The following GREM2 variants were observed in gnomAD, a reference collection of about 807,000 sequenced individuals.
GREM2 encodes the protein gremlin 2, DAN family BMP antagonist, also known as gremlin-2.
In GREM2, 11 loss-of-function variants were observed where a neutral mutation model predicts 14.2. That is an observed-to-expected ratio of 0.78 (90% CI 0.49 to 1.28). The LOEUF (loss-of-function observed/expected upper bound fraction) is 1.28. GREM2 is among the 50% of genes most tolerant of loss of function. GREM2 has a pLI of 0.00. For missense variants in GREM2, 210 were observed against 218.5 expected, an observed-to-expected ratio of 0.96 and a Z score of 0.24; for synonymous variants, 98 against 97.6, an observed-to-expected ratio of 1.00 and a Z score of -0.02.
In GREM2 at chr1:240,492,693, C is replaced by T. The variant is rs1677285952; in HGVS notation, c.*276G>A. 7.4e-6 allele frequency: 2 copies of T among 268,736 alleles called. No individual in the cohort carries two copies. Among genetic ancestry groups the T allele is most frequent in the Non-Finnish European group, 1.4e-5 (2 of 143,540 alleles). 16.6% of individuals were successfully genotyped at this position (268,736 alleles called of 1,614,324 possible). On this transcript the variant is annotated 3_prime_UTR_variant, in exon 2 of 2. Transcript: ENST00000318160. The stretch of plus-strand genomic sequence containing the variant: ...AAGGTCCTCTCTGACTGCTGGGTGG[C>T]GGTGGTGGTTTTCCAGCATTTTCCT...
intron 1 of GREM2, among the ~76,000 whole-genome samples, chr1:240,510,173 T>C (rs1051519480): frequency 6.6e-6 from 1 of 151,870 alleles, no homozygotes; most frequent in African/African-American, 2.4e-5. Flanking sequence ...ATTGGGACCA[T>C]CCTGGCTAAC....
intron 1 of GREM2, among the ~76,000 whole-genome samples, chr1:240,512,983 G>A (rs114330628): frequency 3.8e-3 from 585 of 152,264 alleles, no homozygotes; most frequent in African/African-American, 0.013. Context: ...GAATACAGCA[G>A]ATATGATCCT....
chr1:240,518,061 T>A (rs1677989595), intron 1 of GREM2, among the ~76,000 whole-genome samples: 1 of 152,172 alleles, frequency 6.6e-6, no homozygotes. Flanking sequence ...ATAGCGTCAA[T>A]CAAAGGCATT....
At chr1:240,599,838 G>A (rs1025269934) in intron 1 of GREM2, among the ~76,000 whole-genome samples, 1 of 152,128 alleles carries the variant, frequency 6.6e-6, no homozygotes, top group African/African-American at 2.4e-5. Context: ...AGTGGACCTC[G>A]GCCTTGGAGC....
chr1:240,499,151 C>A (rs1159620981), intron 1 of GREM2, among the ~76,000 whole-genome samples: 4 of 152,178 alleles, frequency 2.6e-5, no homozygotes, highest in Non-Finnish European at 5.9e-5. Flanking sequence ...GGAGCTTGAA[C>A]AATAAAACTT....
rs754753220 is a variant in GREM2 at position 240,492,959 on chromosome 1, G to C, written c.*10C>G. On this transcript the variant is annotated 3_prime_UTR_variant, in exon 2 of 2. Coordinates refer to ENST00000318160, the MANE Select transcript of GREM2 (RefSeq NM_022469.4). ...GCGCGCGCGGGGCTGAGCTGCGTCC[G>C]GCCCGGCGCTCACTGCTTGTCCGAG... 7 of 1,504,502 alleles carry C rather than the reference G, an allele frequency of 4.7e-6. No individual in the cohort carries two copies. Among genetic ancestry groups the C allele is most frequent in the Admixed American group, 4.4e-5 (2 of 45,956 alleles). The allele number at this position is 1,504,502 out of a possible 1,614,324, so 93.2% of individuals were successfully genotyped here. A position where few individuals can be genotyped will look rare whatever the true frequency, so the allele number is the denominator to read the frequency against.
At chr1:240,523,557 T>C (rs190571054) in intron 1 of GREM2, among the ~76,000 whole-genome samples, 1 of 152,240 alleles carries the variant, frequency 6.6e-6, no homozygotes, top group East Asian at 1.9e-4. Flanking sequence ...TGTTTTTTTT[T>C]GTTGTTGTTG....
intron 1 of GREM2, among the ~76,000 whole-genome samples, chr1:240,516,962 C>A (rs1677970189): frequency 6.6e-6 from 1 of 152,126 alleles, no homozygotes; most frequent in East Asian, 1.9e-4. Flanking sequence ...CACTAGTGAA[C>A]ACTTGGTGAA....
At position 240,544,445 on chromosome 1, in the gene GREM2, C is replaced by A. The variant is rs77477565; in HGVS notation, c.-1-50969G>T. ...TACAGGCGTGAGCCACCGCGCCTGG[C>A]CAGTACTAGGCCATTTTATATGAGA... is the stretch of plus-strand genomic sequence containing the variant. On this transcript the variant is annotated intron_variant, in intron 1 of 1. Coordinates refer to ENST00000318160, the MANE Select transcript of GREM2 (RefSeq NM_022469.4). Among the ~76,000 whole-genome samples, 1,232 of 152,244 alleles carry A rather than the reference C, an allele frequency of 8.1e-3. 26 individuals are homozygous for A. The highest frequency in any genetic ancestry group is 7.4e-3 in the Non-Finnish European group (506 of 68,028).
chr1:240,525,414 C>A (rs1678198823), intron 1 of GREM2, among the ~76,000 whole-genome samples: 1 of 152,086 alleles, frequency 6.6e-6, no homozygotes, highest in Admixed American at 6.5e-5. Flanking sequence ...ACTTGTGCAA[C>A]CTGTAATCCT....
intron 1 of GREM2, chr1:240,530,435 C>T (rs1227625173): frequency 6.6e-6 from 1 of 152,138 alleles, no homozygotes; most frequent in Non-Finnish European, 1.5e-5. Flanking sequence ...AAAAACCAAG[C>T]TATTCTCCAG....
intron 1 of GREM2, among the ~76,000 whole-genome samples, chr1:240,592,372 A>T (rs2102865039): frequency 6.6e-6 from 1 of 152,194 alleles, no homozygotes; most frequent in East Asian, 1.9e-4. Flanking sequence ...AATTTGGGGA[A>T]ATAAATAATA....
chr1:240,550,958 C>G (rs1047636081), intron 1 of GREM2, among the ~76,000 whole-genome samples: 11 of 152,124 alleles, frequency 7.2e-5, no homozygotes, highest in African/African-American at 2.7e-4. Context: ...AGGATGGAAA[C>G]TTGGAATTAA....
At chr1:240,520,745 G>A (rs972512217) in intron 1 of GREM2, among the ~76,000 whole-genome samples, 1 of 151,940 alleles carries the variant, frequency 6.6e-6, no homozygotes, top group Non-Finnish European at 1.5e-5. Flanking sequence ...ATTTCACCAT[G>A]TTGCCCAGGC....
chr1:240,548,641 G>A (rs1678785168), intron 1 of GREM2, among the ~76,000 whole-genome samples: 1 of 152,134 alleles, frequency 6.6e-6, no homozygotes, highest in African/African-American at 2.4e-5. Context: ...TTAGTAAGAG[G>A]TATCTAATTG....
At chr1:240,564,119 G>T (rs747912802) in intron 1 of GREM2, among the ~76,000 whole-genome samples, 1 of 152,096 alleles carries the variant, frequency 6.6e-6, no homozygotes, top group Non-Finnish European at 1.5e-5. Flanking sequence ...TGAGGCAGGA[G>T]GATCGCTTGA....
chr1:240,542,443 TAAAA>T lies in GREM2; in HGVS notation c.-1-48971_-1-48968del, dbSNP rs34602345. On this transcript the variant is annotated intron_variant, in intron 1 of 1. Coordinates refer to ENST00000318160, the MANE Select transcript of GREM2 (RefSeq NM_022469.4). This position sits in a 1 kb window ranked among gnomAD's most constrained non-coding sequence, Gnocchi z 4.1. ...AACATGGCGAAACCCCCATCTCTACTAAAAAAAAAAAAAAAAAAAAAATTAGCTG... is the reference window on the plus strand; with the variant it reads ...AACATGGCGAAACCCCCATCTCTACTAAAAAAAAAAAAAAAAAATTAGCTG... Among the ~76,000 whole-genome samples, 128 of 113,324 alleles carry T rather than the reference TAAAA, an allele frequency of 1.1e-3. 2 individuals carry two copies. Among genetic ancestry groups the T allele is most frequent in the African/African-American group, 2.8e-3 (83 of 30,108 alleles). The allele number at this position is 113,324 out of a possible 152,430, so 74.3% of individuals were successfully genotyped here.
chr1:240,592,421 TA>T (rs930460601), intron 1 of GREM2, among the ~76,000 whole-genome samples: 6 of 151,980 alleles, frequency 3.9e-5, no homozygotes, highest in South Asian at 2.1e-4. Context: ...ATTTAAGTGT[TA>T]AAAAAAAGCC....
At chr1:240,563,796 T>C (rs767737175) in intron 1 of GREM2, among the ~76,000 whole-genome samples, 16 of 152,204 alleles carry the variant, frequency 1.1e-4, no homozygotes, top group Non-Finnish European at 1.8e-4. Context: ...TTCCTTTTTA[T>C]GTTCCTGGTT....
Sources: allele counts gnomAD v4.1 joint callset (sites outside exome capture counted in the v4.1 genomes callset), GRCh38; gene constraint gnomAD v4.1.1; non-coding constraint Gnocchi (gnomAD v3.1); transcripts MANE v1.5; gene names NCBI Gene and HGNC (gene_info 2026-07-23, HGNC 2026-07-21).